AFF1: variants seen among roughly 807,000 people sequenced by gnomAD.
The protein encoded by AFF1 is AF4/FMR2 family member 1.
AFF1 carries 48 observed loss-of-function variants against 121.7 expected under a neutral mutation model. That is an observed-to-expected ratio of 0.39 (90% CI 0.31 to 0.50). AFF1 has a LOEUF of 0.50. Among genes scored for constraint, AFF1 ranks in the 20% least tolerant of loss-of-function variants. The pLI, the probability that AFF1 is intolerant of heterozygous loss-of-function variation, is 0.76. For missense variants in AFF1, 1,523 were observed against 1,511.7 expected, an observed-to-expected ratio of 1.01 and a Z score of -0.12; for synonymous variants, 613 against 563.0, an observed-to-expected ratio of 1.09 and a Z score of -1.26.
chr4:86,938,121 A>G (rs886533031), intron 1 of AFF1, among the ~76,000 whole-genome samples: 8 of 152,200 alleles, frequency 5.3e-5, no homozygotes, highest in Admixed American at 5.2e-4. Flanking sequence ...TTTTTGGGAG[A>G]TTGAGAAAGT....
intron 2 of AFF1, among the ~76,000 whole-genome samples, chr4:86,996,034 A>G (rs1388903002): frequency 4.0e-5 from 5 of 124,044 alleles, no homozygotes; most frequent in East Asian, 4.5e-4. Flanking sequence ...CCCTCCGCCC[A>G]GCAGCCACCC....
chr4:86,961,782 T>C (rs187535955), intron 2 of AFF1, among the ~76,000 whole-genome samples: 2 of 152,266 alleles, frequency 1.3e-5, no homozygotes, highest in Admixed American at 1.3e-4. Context: ...CAGAGCACTT[T>C]GTGGTCTGTT....
intron 2 of AFF1, among the ~76,000 whole-genome samples, chr4:87,030,821 A>G (rs1345613247): frequency 6.6e-6 from 1 of 152,204 alleles, no homozygotes; most frequent in Non-Finnish European, 1.5e-5. Flanking sequence ...GTGCAGACCC[A>G]GTGCTGAGTG....
At position 87,034,693 on chromosome 4, in the gene AFF1, T is replaced by C. The variant is rs574758165; in HGVS notation, c.39-11473T>C. ...GTAACATTAACTGATTAACACGTGG[T>C]GTTAGCTGAGGCAACTCTCTTGGTC... On this transcript the variant is annotated intron_variant, in intron 2 of 20. Transcript: ENST00000395146. Among the ~76,000 whole-genome samples the C allele has an allele frequency of 7.9e-5, 12 of 152,298 alleles. No individual in the cohort carries two copies. The South Asian group carries it at 2.5e-3, about 32-fold the overall frequency.
At chr4:86,981,525 T>C (rs550894625) in intron 2 of AFF1, among the ~76,000 whole-genome samples, 1 of 152,112 alleles carries the variant, frequency 6.6e-6, no homozygotes, top group South Asian at 2.1e-4. Flanking sequence ...CCCACCACCA[T>C]GCCCAGCTAA....
intron 9 of AFF1, 41 bp downstream of exon 9, chr4:87,105,723 A>G (rs1289262561): frequency 6.2e-7 from 1 of 1,613,924 alleles, no homozygotes; most frequent in Admixed American, 1.7e-5. Flanking sequence ...GTCCTTTTAA[A>G]TACATCTAAC....
In AFF1 at chr4:86,985,326, C is replaced by T. The variant is rs569487124; in HGVS notation, c.38+36755C>T. Among the ~76,000 whole-genome samples, 24 of 150,332 alleles carry T rather than the reference C, an allele frequency of 1.6e-4. No individual in the cohort carries two copies. The East Asian group carries it at 4.5e-3, about 28-fold the overall frequency. ...AGGAGTTTGAGACCAGCCTGGCCAA[C>T]ATGGCAAAACCCTGTCTCTACTAAA... On this transcript the variant is annotated intron_variant, in intron 2 of 20. Coordinates refer to ENST00000395146, the MANE Select transcript of AFF1 (RefSeq NM_001166693.3).
intron 2 of AFF1, among the ~76,000 whole-genome samples, chr4:86,997,798 G>GA (rs1263781206): frequency 5.1e-4 from 75 of 147,166 alleles, no homozygotes; most frequent in African/African-American, 1.7e-3. Flanking sequence ...GAAAAGGATA[G>GA]AAAAAAACAG....
At chr4:86,939,986 A>G (rs1282101711) in intron 1 of AFF1, among the ~76,000 whole-genome samples, 1 of 152,234 alleles carries the variant, frequency 6.6e-6, no homozygotes, top group Non-Finnish European at 1.5e-5. Flanking sequence ...TATGCTACCT[A>G]CTAGCTGTCA....
intron 4 of AFF1, among the ~76,000 whole-genome samples, chr4:87,050,903 A>G (rs1232695487): frequency 6.6e-6 from 1 of 152,188 alleles, no homozygotes; most frequent in African/African-American, 2.4e-5. Flanking sequence ...AGTGAAAGAG[A>G]GAGAAGCCGT....
intron 4 of AFF1, among the ~76,000 whole-genome samples, chr4:87,082,948 T>G (rs1723318704): frequency 6.6e-6 from 1 of 152,088 alleles, no homozygotes; most frequent in Admixed American, 6.6e-5. Flanking sequence ...AGCTGCGAGG[T>G]AGGTATTAAA....
intron 1 of AFF1, among the ~76,000 whole-genome samples, chr4:86,946,645 G>C (rs2149447754): frequency 6.6e-6 from 1 of 152,084 alleles, no homozygotes; most frequent in Admixed American, 6.5e-5. Flanking sequence ...GCCAACCCTG[G>C]CCTCCCAAAG....
Position 87,136,581 on chromosome 4 carries a change from C to T in AFF1, c.*880C>T, listed in dbSNP as rs1729320508. ...CACTGTTGACTCTATTCTGAATTTC[C>T]TCCCTTGGGGAAGAAGGGAACCAAC... On this transcript the variant is annotated 3_prime_UTR_variant, in exon 21 of 21. Transcript: ENST00000395146. 1 of 231,420 alleles carries T rather than the reference C, an allele frequency of 4.3e-6. No individual in the cohort carries two copies. Among genetic ancestry groups the T allele is most frequent in the East Asian group, 6.1e-5 (1 of 16,368 alleles). 14.3% of individuals were successfully genotyped at this position (231,420 alleles called of 1,614,324 possible). A position where few individuals can be genotyped will look rare whatever the true frequency, so the allele number is the denominator to read the frequency against.
rs1729258866 is a variant in AFF1 at position 87,135,817 on chromosome 4, A to T, written c.*116A>T. ...CAAACTCTAAAAAAGAAGCACCACG[A>T]GATGGCCAGGACATTTGTCCACTTA... On this transcript the variant is annotated 3_prime_UTR_variant, in exon 21 of 21. Coordinates refer to ENST00000395146, the MANE Select transcript of AFF1 (RefSeq NM_001166693.3). The T allele has an allele frequency of 7.3e-7, 1 of 1,375,560 alleles. No homozygotes were observed. The highest frequency in any genetic ancestry group is 1.5e-5 in the African/African-American group (1 of 68,792). 85.2% of individuals were successfully genotyped at this position (1,375,560 alleles called of 1,614,324 possible). A position where few individuals can be genotyped will look rare whatever the true frequency, so the allele number is the denominator to read the frequency against.
At chr4:86,953,856 G>A (rs900770933) in intron 2 of AFF1, among the ~76,000 whole-genome samples, 1 of 151,656 alleles carries the variant, frequency 6.6e-6, no homozygotes, top group African/African-American at 2.4e-5. Flanking sequence ...AGTAGCTGGC[G>A]CACCACCACG....
At chr4:87,131,330 A>C (rs895224904) in intron 17 of AFF1, 111 bp downstream of exon 17, 1 of 1,402,022 alleles carries the variant, frequency 7.1e-7, no homozygotes, top group African/African-American at 1.4e-5. Context: ...GGGGAGCCTT[A>C]AAAAAGTTAT....
intron 2 of AFF1, among the ~76,000 whole-genome samples, chr4:86,995,274 C>G (rs1725032560): frequency 4.2e-5 from 1 of 23,632 alleles, no homozygotes; most frequent in Admixed American, 6.2e-4. Flanking sequence ...CCCCTTCCCC[C>G]TCCCCCTCTC....
intron 1 of AFF1, among the ~76,000 whole-genome samples, chr4:86,946,640 C>T (rs960676000): frequency 6.6e-6 from 1 of 152,100 alleles, no homozygotes; most frequent in African/African-American, 2.4e-5. Flanking sequence ...ATTCAGCCAA[C>T]CCTGGCCTCC....
At chr4:87,048,463 G>A (rs1044905642) in intron 4 of AFF1, among the ~76,000 whole-genome samples, 2 of 152,226 alleles carry the variant, frequency 1.3e-5, no homozygotes, top group Admixed American at 1.3e-4. Flanking sequence ...GTAGTGTGAA[G>A]TGAAATGTTT....
Sources: allele counts gnomAD v4.1 joint callset (sites outside exome capture counted in the v4.1 genomes callset), GRCh38; gene constraint gnomAD v4.1.1; transcripts MANE v1.5; gene names NCBI Gene and HGNC (gene_info 2026-07-23, HGNC 2026-07-21).